PLXND1: variants seen among roughly 807,000 people sequenced by gnomAD.
The protein encoded by PLXND1 is plexin D1, also known as plexin-D1.
Under a neutral mutation model 197.7 loss-of-function variants are expected in PLXND1, and 54 were observed. That is an observed-to-expected ratio of 0.27 (90% CI 0.22 to 0.34). The LOEUF is 0.34. Among genes scored for constraint, PLXND1 ranks in the 10% least tolerant of loss-of-function variants. The pLI is 1.00. For missense variants in PLXND1, 2,127 were observed against 2,699.2 expected (o/e 0.79, Z 4.70); for synonymous variants, 1,180 against 1,161.2 (o/e 1.02, Z -0.33).
chr3:129,594,212 T>C (rs1370499633), intron 1 of PLXND1, among the ~76,000 whole-genome samples: 1 of 152,242 alleles, frequency 6.6e-6, no homozygotes, highest in Non-Finnish European at 1.5e-5. Flanking sequence ...TGAGGGCACC[T>C]TCCTGCCTGA....
rs1355417416 is a variant in PLXND1 at position 129,565,342 on chromosome 3, G to A, written c.4519C>T (p.Arg1507Trp). The change falls in exon 25 of 36, where the codon CGG (arginine) becomes TGG (tryptophan). Residue 1507 changes from arginine to tryptophan, a missense_variant and splice_region_variant. This residue lies in a region of PLXND1 where 532 missense variants were observed against 811.0 expected (regional missense o/e 0.66). Coordinates refer to ENST00000324093, the MANE Select transcript of PLXND1 (RefSeq NM_015103.3). ...WMSICMYSCL[R>W]ETVGEPFFLL... Reference sequence around the variant, plus strand: ...TGTCTGTCCCCAGGCAGCCTCACCCGCAGACAGCTGTACATGCAGATGGAC... The same window carrying A: ...TGTCTGTCCCCAGGCAGCCTCACCCACAGACAGCTGTACATGCAGATGGAC... 2 of 1,613,038 alleles carry A rather than the reference G, an allele frequency of 1.2e-6. No homozygotes were observed. The highest frequency in any genetic ancestry group is 2.2e-5 in the East Asian group (1 of 44,896).
rs763873272 is a variant in PLXND1 at position 129,558,205 on chromosome 3, T to C, written c.5445+223A>G. 1.3e-5 allele frequency among the ~76,000 whole-genome samples: 2 copies of C among 152,198 alleles called. No homozygotes were observed. The highest frequency in any genetic ancestry group is 2.9e-5 in the Non-Finnish European group (2 of 68,026). ...CCAGGCACAGCTGCAGCATGTGCAG[T>C]TGGTCTGCAGCGATACAGAGTTTCT... On this transcript the variant is annotated intron_variant, in intron 33 of 35. Coordinates refer to ENST00000324093, the MANE Select transcript of PLXND1 (RefSeq NM_015103.3). This position sits in a 1 kb window ranked among gnomAD's most constrained non-coding sequence, Gnocchi z 4.1.
In PLXND1 at chr3:129,578,024, C is replaced by T. The variant is rs556485595; in HGVS notation, c.2346+305G>A. 8.3e-4 allele frequency among the ~76,000 whole-genome samples: 127 copies of T among 152,316 alleles called. 1 individual carries two copies. Among genetic ancestry groups the T allele is most frequent in the Middle Eastern group, 6.8e-3 (2 of 294 alleles). ...ACAGGATAGGGCAGCGTCCACCCTC[C>T]GGCTGTGGCACGGGGCAGGAGAGCC... On this transcript the variant is annotated intron_variant, in intron 9 of 35. Coordinates refer to ENST00000324093, the MANE Select transcript of PLXND1 (RefSeq NM_015103.3).
At chr3:129,589,015 T>C (rs1324900013) in intron 2 of PLXND1, among the ~76,000 whole-genome samples, 1 of 152,158 alleles carries the variant, frequency 6.6e-6, no homozygotes, top group Non-Finnish European at 1.5e-5. Context: ...AGAGAATATG[T>C]GTTGCCCAAG....
intron 8 of PLXND1, among the ~76,000 whole-genome samples, chr3:129,579,913 C>A (rs1411724152): frequency 6.6e-6 from 1 of 152,178 alleles, no homozygotes; most frequent in Non-Finnish European, 1.5e-5. Flanking sequence ...CGAGGGGATG[C>A]CAATGCCAAC....
At chr3:129,603,445 G>A (rs2085739600) in intron 1 of PLXND1, among the ~76,000 whole-genome samples, 1 of 152,202 alleles carries the variant, frequency 6.6e-6, no homozygotes, top group Non-Finnish European at 1.5e-5. Context: ...CACAGGGCCT[G>A]AAACTACTGG....
In PLXND1 at chr3:129,555,686, A is replaced by G; in HGVS notation, c.*626T>C. 1 of 517,538 alleles carries G rather than the reference A, an allele frequency of 1.9e-6. No individual in the cohort carries two copies. Among genetic ancestry groups the G allele is most frequent in the Non-Finnish European group, 3.4e-6 (1 of 298,034 alleles). 32.1% of individuals were successfully genotyped at this position (517,538 alleles called of 1,614,324 possible). A position where few individuals can be genotyped will look rare whatever the true frequency, so the allele number is the denominator to read the frequency against. ...CCTGTGCCCCCCATCCCTCCCCTCC[A>G]CCCTCCCTGCTCCTGGAGAAGCCCA... is the stretch of plus-strand genomic sequence containing the variant. On this transcript the variant is annotated 3_prime_UTR_variant, in exon 36 of 36. Coordinates refer to ENST00000324093, the MANE Select transcript of PLXND1 (RefSeq NM_015103.3).
At chr3:129,588,698 G>C (rs1372283493) in intron 2 of PLXND1, among the ~76,000 whole-genome samples, 1 of 152,284 alleles carries the variant, frequency 6.6e-6, no homozygotes, top group Non-Finnish European at 1.5e-5. Context: ...CCAAGAGGGA[G>C]CAGGAGAGAT....
chr3:129,572,794 A>T, intron 14 of PLXND1, 46 bp from the exon 15 acceptor site: 1 of 1,611,442 alleles, frequency 6.2e-7, no homozygotes, highest in South Asian at 1.1e-5. Context: ...AGCCCCCGGG[A>T]GTGTGCGTGC....
intron 1 of PLXND1, among the ~76,000 whole-genome samples, chr3:129,596,008 C>CTGTGGG: frequency 6.6e-6 from 1 of 152,164 alleles, no homozygotes; most frequent in East Asian, 1.9e-4. Context: ...CTAAGTCTCA[C>CTGTGGG]AGCTCTTACC....
intron 22 of PLXND1, among the ~76,000 whole-genome samples, chr3:129,567,177 C>T (rs1018465834): frequency 4.0e-5 from 6 of 151,746 alleles, no homozygotes; most frequent in Non-Finnish European, 7.4e-5. Context: ...AGGAGAGAGG[C>T]TGGCCTGGGA....
intron 1 of PLXND1, among the ~76,000 whole-genome samples, chr3:129,604,254 A>G (rs577174683): frequency 4.0e-5 from 6 of 151,420 alleles, no homozygotes; most frequent in African/African-American, 1.2e-4. Context: ...ACATCCCTCC[A>G]TTCTCCTGGC....
intron 2 of PLXND1, among the ~76,000 whole-genome samples, chr3:129,589,080 T>C (rs768770167): frequency 1.3e-5 from 2 of 152,100 alleles, no homozygotes; most frequent in Admixed American, 6.5e-5. Context: ...AGCCATACAG[T>C]TTCAAAGCCC....
At chr3:129,580,729 C>G (rs2085375792) in intron 8 of PLXND1, among the ~76,000 whole-genome samples, 1 of 151,996 alleles carries the variant, frequency 6.6e-6, no homozygotes, top group Non-Finnish European at 1.5e-5. Flanking sequence ...TCTCACAGGG[C>G]CTCTCCTAAA....
At chr3:129,556,739 G>T in intron 34 of PLXND1, 48 bp from the exon 35 acceptor site, 1 of 1,385,648 alleles carries the variant, frequency 7.2e-7, no homozygotes. Flanking sequence ...GGTCAAAGCT[G>T]AGCCTAGTCC....
intron 25 of PLXND1, among the ~76,000 whole-genome samples, chr3:129,564,832 A>G (rs114642227): frequency 0.011 from 1,648 of 150,824 alleles, 35 homozygotes; most frequent in African/African-American, 0.037. Flanking sequence ...CCTCCCCACC[A>G]CTCCTCGCCT....
chr3:129,574,821 C>G (rs141415416), intron 11 of PLXND1, among the ~76,000 whole-genome samples: 120 of 152,334 alleles, frequency 7.9e-4, no homozygotes, highest in African/African-American at 2.8e-3. Flanking sequence ...GCTCACGAGG[C>G]CTGTGGGTGG....
intron 1 of PLXND1, among the ~76,000 whole-genome samples, chr3:129,593,072 G>A (rs1245192435): frequency 2.0e-5 from 3 of 152,204 alleles, no homozygotes; most frequent in South Asian, 2.1e-4. Flanking sequence ...CTGAGAGCAG[G>A]GAAGGCTCGG....
intron 1 of PLXND1, among the ~76,000 whole-genome samples, chr3:129,602,518 C>T (rs2085724746): frequency 1.3e-5 from 2 of 152,328 alleles, no homozygotes; most frequent in East Asian, 1.9e-4. Context: ...GTCACACATC[C>T]GTCCTCGGCT....
Sources: allele counts gnomAD v4.1 joint callset (sites outside exome capture counted in the v4.1 genomes callset), GRCh38; gene constraint gnomAD v4.1.1; regional missense constraint gnomAD v4.1.1; non-coding constraint Gnocchi (gnomAD v3.1); transcripts MANE v1.5; gene names NCBI Gene and HGNC (gene_info 2026-07-23, HGNC 2026-07-21).